Variants in EPS8L1 observed in about 807,000 individuals in gnomAD.
The protein encoded by EPS8L1 is epidermal growth factor receptor kinase substrate 8-like protein 1.
In EPS8L1, 101 loss-of-function variants were observed where a neutral mutation model predicts 91.7. That is an observed-to-expected ratio of 1.10 (90% CI 0.94 to 1.30). The LOEUF is 1.30. Among genes scored for constraint, EPS8L1 ranks in the 50% most tolerant of loss-of-function variants. The pLI, the probability that EPS8L1 is intolerant of heterozygous loss-of-function variation, is 0.00. For synonymous variants in EPS8L1, 506 were observed against 445.3 expected (o/e 1.14, Z -1.72); for missense variants, 1,114 against 1,017.0 (o/e 1.10, Z -1.30).
Position 55,081,848 on chromosome 19 carries a change from G to T in EPS8L1, c.850G>T (p.Val284Leu), listed in dbSNP as rs753735932. The T allele has an allele frequency of 1.2e-6, 2 of 1,611,644 alleles. No individual in the cohort carries two copies. Among genetic ancestry groups the T allele is most frequent in the African/African-American group, 1.3e-5 (1 of 74,852 alleles). ...RLQKSAEAAR[V>L]LEHRERGRRS... Reference sequence around the variant, plus strand: ...GCAGAAGTCGGCGGAGGCGGCCAGGGTGCTGGAGCACCGGGAACGCGGCCG... The same window carrying T: ...GCAGAAGTCGGCGGAGGCGGCCAGGTTGCTGGAGCACCGGGAACGCGGCCG... Residue 284 changes from valine to leucine, a missense_variant, in exon 9 of 20, where the codon GTG becomes TTG. Transcript: ENST00000201647. The surrounding 1 kb of genome is among the most constrained non-coding windows in gnomAD (Gnocchi z 4.9).
chr19:55,086,475 G>T lies in EPS8L1; in HGVS notation c.1734G>T (p.Trp578Cys), dbSNP rs1237248514. Residue 578 changes from tryptophan (W) to cysteine (C), a missense_variant, in exon 17 of 20, where the codon TGG (tryptophan) becomes TGT (cysteine). By Grantham distance (215) the Trp-to-Cys change is radical. Transcript: ENST00000201647. Reference sequence around the variant, plus strand: ...GGCCCCGCTGGGACAGGCCCCGCTGGGACAGCTGCGATAGCCTCAACGGCT... The same window carrying T: ...GGCCCCGCTGGGACAGGCCCCGCTGTGACAGCTGCGATAGCCTCAACGGCT... ...LARPRWDRPR[W>C]DSCDSLNGLD... 1 of 1,551,926 alleles carries T rather than the reference G, an allele frequency of 6.4e-7. No homozygotes were observed. The highest frequency in any genetic ancestry group is 8.7e-7 in the Non-Finnish European group (1 of 1,147,112).
chr19:55,082,283 G>A lies in EPS8L1; in HGVS notation c.999G>A (p.Leu333=). ...CCCTCCCCACGCCCCAGGCCCGGCT[G>A]CGCGGCAACATCGCCGACCCCTCCT... is the stretch of plus-strand genomic sequence containing the variant. ...IKYAFSLLAR[L]RGNIADPSSP... The change falls in exon 11 of 20, where the codon CTG becomes CTA. Residue 333 remains leucine, a synonymous_variant. Coordinates refer to ENST00000201647, the MANE Select transcript of EPS8L1 (RefSeq NM_133180.3). The A allele has an allele frequency of 1.2e-6, 2 of 1,612,054 alleles. No individual in the cohort carries two copies. The highest frequency in any genetic ancestry group is 1.7e-6 in the Non-Finnish European group (2 of 1,179,576).
At position 55,076,358 on chromosome 19, in the gene EPS8L1, G is replaced by A. The variant is rs1056862234; in HGVS notation, c.-37-50G>A. ...GCATTGAGGGAGGAGGCTGGGGTAG[G>A]AATTAGAGGCTCCTACTGGCCAGGC... On this transcript the variant is annotated intron_variant, in intron 1 of 19. Coordinates refer to ENST00000201647, the MANE Select transcript of EPS8L1 (RefSeq NM_133180.3). 2.8e-5 allele frequency: 44 copies of A among 1,544,914 alleles called. No individual in the cohort carries two copies. In the East Asian group the frequency reaches 7.8e-4, roughly 27 times the overall value.
intron 12 of EPS8L1, 85 bp downstream of exon 12, chr19:55,082,687 A>C: frequency 7.6e-7 from 1 of 1,323,538 alleles, no homozygotes; most frequent in South Asian, 1.4e-5. Flanking sequence ...TGATTGGAAA[A>C]TAGGACTAGG....
At chr19:55,085,564 G>A in intron 14 of EPS8L1, 1 of 326,100 alleles carries the variant, frequency 3.1e-6, no homozygotes, top group South Asian at 7.4e-5. Flanking sequence ...TGTGATGTGG[G>A]CAAGTCATTT....
intron 18 of EPS8L1, 33 bp from the exon 19 acceptor site, chr19:55,087,270 C>T (rs780726084): frequency 1.3e-6 from 2 of 1,569,294 alleles, no homozygotes; most frequent in South Asian, 1.1e-5. Flanking sequence ...ATCCGCCGAC[C>T]GGCCTGACCG....
rs760321845 is a variant in EPS8L1 at position 55,081,254 on chromosome 19, G to C, written c.536G>C (p.Arg179Pro). ...ALRATQEELQRDRSPAAETPP... is the reference protein window; with the variant it reads ...ALRATQEELQPDRSPAAETPP... ...AGGGCCACGCAGGAGGAGTTGCAGC[G>C]CGACCGCTCGCCCGCCGCTGAGACC... The change falls in exon 8 of 20, where the codon CGC becomes CCC. Residue 179 changes from arginine (R) to proline (P), a missense_variant. Physicochemically the swap from Arg to Pro is moderately radical, Grantham distance 103. Transcript: ENST00000201647. This position sits in a 1 kb window ranked among gnomAD's most constrained non-coding sequence, Gnocchi z 4.9. The C allele has an allele frequency of 6.6e-7, 1 of 1,508,082 alleles. No individual in the cohort carries two copies. The highest frequency in any genetic ancestry group is 8.8e-7 in the Non-Finnish European group (1 of 1,136,916). 93.4% of individuals were successfully genotyped at this position (1,508,082 alleles called of 1,614,324 possible).
rs1323462017 is a variant in EPS8L1 at position 55,086,783 on chromosome 19, C to G, written c.1847C>G (p.Pro616Arg). 1 of 1,607,912 alleles carries G rather than the reference C, an allele frequency of 6.2e-7. No individual in the cohort carries two copies. The highest frequency in any genetic ancestry group is 1.1e-5 in the South Asian group (1 of 90,550). ...CGCCTGGCCCAGGGCCGCTCGGGAC[C>G]GAGCCGCGCAGTCCCAGGGCCCCGC... ...QARLAQGRSGPSRAVPGPRAP... is the reference protein window; with the variant it reads ...QARLAQGRSGRSRAVPGPRAP... The change falls in exon 18 of 20, where the codon CCG (proline) becomes CGG (arginine). Residue 616 changes from proline to arginine, a missense_variant. Physicochemically the swap from Pro to Arg is moderately radical, Grantham distance 103. Transcript: ENST00000201647.
In EPS8L1 at chr19:55,083,192, G is replaced by C. The variant is rs1216307358; in HGVS notation, c.1215-186G>C. Among the ~76,000 whole-genome samples the C allele has an allele frequency of 6.6e-6, 1 of 152,194 alleles. No individual in the cohort carries two copies. ...ATTACAGGCGTGAGCCACCGTGCCC[G>C]GTCTAGAAATATAAATTGCTGTTGA... On this transcript the variant is annotated intron_variant, in intron 12 of 19. Coordinates refer to ENST00000201647, the MANE Select transcript of EPS8L1 (RefSeq NM_133180.3). The surrounding 1 kb of genome is among the most constrained non-coding windows in gnomAD (Gnocchi z 4.7).
chr19:55,079,212 TC>T (rs2076201132), intron 4 of EPS8L1, among the ~76,000 whole-genome samples, 155 bp downstream of exon 4: 1 of 152,110 alleles, frequency 6.6e-6, no homozygotes, highest in Non-Finnish European at 1.5e-5. Context: ...CTCACCTCAG[TC>T]ATGGATATGA....
intron 7 of EPS8L1, 95 bp downstream of exon 7, chr19:55,080,949 T>C: frequency 8.1e-7 from 1 of 1,227,036 alleles, no homozygotes; most frequent in South Asian, 1.5e-5. Flanking sequence ...ACAAGAGTTT[T>C]GCATGGAGTC....
chr19:55,080,724 G>A (rs377629893), intron 6 of EPS8L1, 48 bp from the exon 7 acceptor site: 54 of 1,596,334 alleles, frequency 3.4e-5, no homozygotes, highest in Middle Eastern at 1.7e-4. Context: ...GCCCGGGTAG[G>A]AAGTGGGTGC....
chr19:55,081,824 C>G lies in EPS8L1; in HGVS notation c.826C>G (p.Gln276Glu), dbSNP rs767102471. Residue 276 changes from glutamine (Q) to glutamate (E), a missense_variant, in exon 9 of 20, where the codon CAG (glutamine) becomes GAG (glutamate). Coordinates refer to ENST00000201647, the MANE Select transcript of EPS8L1 (RefSeq NM_133180.3). The surrounding 1 kb of genome is among the most constrained non-coding windows in gnomAD (Gnocchi z 4.9). ...DDVESFVSRL[Q>E]KSAEAARVLE... is the part of the protein sequence containing the mutation. ...CGTAGAGAGCTTTGTATCGAGGCTG[C>G]AGAAGTCGGCGGAGGCGGCCAGGGT... 1.2e-6 allele frequency: 2 copies of G among 1,612,812 alleles called. No individual in the cohort carries two copies. The highest frequency in any genetic ancestry group is 3.3e-5 in the Admixed American group (2 of 59,972).
At chr19:55,084,247 A>G (rs1392539465) in intron 14 of EPS8L1, 1 of 166,246 alleles carries the variant, frequency 6.0e-6, no homozygotes, top group East Asian at 1.9e-4. Flanking sequence ...CTCTAATGCA[A>G]TTGTCTAAGT....
chr19:55,076,643 C>A (rs2076141016), intron 2 of EPS8L1, among the ~76,000 whole-genome samples, 182 bp downstream of exon 2: 2 of 152,196 alleles, frequency 1.3e-5, no homozygotes, highest in South Asian at 4.1e-4. Flanking sequence ...GGTTAGGGGC[C>A]CCCACTGCAG....
In EPS8L1 at chr19:55,081,195, T is replaced by A; in HGVS notation, c.513-36T>A. On this transcript the variant is annotated intron_variant, in intron 7 of 19. Coordinates refer to ENST00000201647, the MANE Select transcript of EPS8L1 (RefSeq NM_133180.3). This position sits in a 1 kb window ranked among gnomAD's most constrained non-coding sequence, Gnocchi z 4.9. Reference sequence around the variant, plus strand: ...ATTTCCCCCTCCCTGGACCCCTCAGTGGACCCAGTCTTGGTGTCCCCGTCG... The same window carrying A: ...ATTTCCCCCTCCCTGGACCCCTCAGAGGACCCAGTCTTGGTGTCCCCGTCG... 6.7e-7 allele frequency: 1 copy of A among 1,485,220 alleles called. No individual in the cohort carries two copies. Among genetic ancestry groups the A allele is most frequent in the East Asian group, 2.4e-5 (1 of 42,070 alleles). The allele number at this position is 1,485,220 out of a possible 1,614,324, so 92.0% of individuals were successfully genotyped here.
In EPS8L1 at chr19:55,081,687, A is replaced by G; in HGVS notation, c.775-86A>G. On this transcript the variant is annotated intron_variant, in intron 8 of 19. Transcript: ENST00000201647. This position sits in a 1 kb window ranked among gnomAD's most constrained non-coding sequence, Gnocchi z 4.9. Reference sequence around the variant, plus strand: ...TTTGGGGCGTGGCCTGATCTGGGGAAGTGTATAGGTGCTCAGGTTCAGGGC... The same window carrying G: ...TTTGGGGCGTGGCCTGATCTGGGGAGGTGTATAGGTGCTCAGGTTCAGGGC... 1 of 1,517,560 alleles carries G rather than the reference A, an allele frequency of 6.6e-7. No homozygotes were observed. Among genetic ancestry groups the G allele is most frequent in the Admixed American group, 2.2e-5 (1 of 46,010 alleles). The allele number at this position is 1,517,560 out of a possible 1,614,324, so 94.0% of individuals were successfully genotyped here.
Position 55,081,851 on chromosome 19 carries a change from C to G in EPS8L1, c.853C>G (p.Leu285Val). 6.2e-7 allele frequency: 1 copy of G among 1,611,398 alleles called. No homozygotes were observed. Among genetic ancestry groups the G allele is most frequent in the Non-Finnish European group, 8.5e-7 (1 of 1,178,596 alleles). ...LQKSAEAARV[L>V]EHRERGRRSR... ...GAAGTCGGCGGAGGCGGCCAGGGTG[C>G]TGGAGCACCGGGAACGCGGCCGCAG... Residue 285 changes from leucine to valine, a missense_variant, in exon 9 of 20, where the codon CTG (leucine) becomes GTG (valine). Coordinates refer to ENST00000201647, the MANE Select transcript of EPS8L1 (RefSeq NM_133180.3). This position sits in a 1 kb window ranked among gnomAD's most constrained non-coding sequence, Gnocchi z 4.9.
chr19:55,086,204 C>A lies in EPS8L1; in HGVS notation c.1650+12C>A. On this transcript the variant is annotated intron_variant, in intron 16 of 19. Transcript: ENST00000201647. ...CTGCCCGCAGCCTGGTGAGCCAGCG[C>A]AGACGCTGGGATCTTGAGGGTGGAG... The A allele has an allele frequency of 6.3e-7, 1 of 1,592,710 alleles. No homozygotes were observed. The highest frequency in any genetic ancestry group is 8.6e-7 in the Non-Finnish European group (1 of 1,169,038).
Sources: allele counts gnomAD v4.1 joint callset (sites outside exome capture counted in the v4.1 genomes callset), GRCh38; gene constraint gnomAD v4.1.1; non-coding constraint Gnocchi (gnomAD v3.1); transcripts MANE v1.5; gene names NCBI Gene and HGNC (gene_info 2026-07-23, HGNC 2026-07-21).